Variants in CD2 observed in about 807,000 individuals in gnomAD.
The protein encoded by CD2 is CD2 molecule.
A neutral mutation model predicts 23.2 loss-of-function variants in CD2; 18 were observed. That is an observed-to-expected ratio of 0.77 (90% CI 0.54 to 1.15). CD2 has a LOEUF of 1.15. Ranked by LOEUF, CD2 falls within the 50% of genes most tolerant of loss-of-function variation. The pLI is 0.00. For missense variants in CD2, 424 were observed against 423.1 expected (o/e 1.00, Z -0.02); for synonymous variants, 162 against 151.9 (o/e 1.07, Z -0.49).
rs1652156566 is a variant in CD2, at chr1:116,764,566, C to G, written c.696C>G (p.Phe232Leu). ...LLMVFVALLV[F>L]YITKRKKQRS... is the part of the protein sequence containing the mutation. ...TGGTCTTTGTGGCACTGCTCGTTTT[C>G]TATATCACCAAAAGGAAAAAACAGA... Residue 232 changes from phenylalanine to leucine, a missense_variant, in exon 4 of 5, where the codon TTC becomes TTG. By Grantham distance (22) the Phe-to-Leu change is conservative (BLOSUM62 0). Coordinates refer to ENST00000369478, the MANE Select transcript of CD2 (RefSeq NM_001767.5). 6.2e-7 allele frequency: 1 copy of G among 1,613,934 alleles called. No homozygotes were observed.
At chr1:116,765,159 A>G (rs1230909131) in intron 4 of CD2, among the ~76,000 whole-genome samples, 3 of 152,172 alleles carry the variant, frequency 2.0e-5, no homozygotes, top group Non-Finnish European at 4.4e-5. Flanking sequence ...CTGACAATCT[A>G]TCAGCAATGA....
chr1:116,764,928 G>C (rs1652170798), intron 4 of CD2, among the ~76,000 whole-genome samples: 1 of 152,146 alleles, frequency 6.6e-6, no homozygotes, highest in South Asian at 2.1e-4. Context: ...TAGGCAGAAA[G>C]GTTAGCTCCA....
chr1:116,761,352 C>G (rs185458762), intron 3 of CD2, among the ~76,000 whole-genome samples: 118 of 152,310 alleles, frequency 7.7e-4, no homozygotes, highest in Admixed American at 7.2e-3. Context: ...GCCAGAGAAT[C>G]TTGACAGAGT....
intron 4 of CD2, among the ~76,000 whole-genome samples, chr1:116,765,723 G>A (rs574668834): frequency 6.6e-6 from 1 of 152,290 alleles, no homozygotes; most frequent in Non-Finnish European, 1.5e-5. Context: ...TGTTCTCCAT[G>A]CTCCTCTCCA....
chr1:116,756,110 A>G (rs1651840479), intron 2 of CD2, among the ~76,000 whole-genome samples: 1 of 152,124 alleles, frequency 6.6e-6, no homozygotes, highest in Non-Finnish European at 1.5e-5. Flanking sequence ...GCAATCCCAG[A>G]CACTGTCAGC....
rs772447791 is a variant in CD2 at position 116,768,620 on chromosome 1, C to T, written c.893C>T (p.Pro298Leu). The T allele has an allele frequency of 2.3e-5, 37 of 1,613,946 alleles. No individual in the cohort carries two copies. Among genetic ancestry groups the T allele is most frequent in the African/African-American group, 1.1e-4 (8 of 74,864 alleles). ...HRSQAPSHRP[P>L]PPGHRVQHQP... ...TCCCAGGCACCTAGTCATCGTCCCC[C>T]GCCTCCTGGACACCGTGTTCAGCAC... Residue 298 changes from proline to leucine, a missense_variant, in exon 5 of 5, where the codon CCG (proline) becomes CTG (leucine). Coordinates refer to ENST00000369478, the MANE Select transcript of CD2 (RefSeq NM_001767.5).
chr1:116,755,535 T>G (rs1218175785), intron 2 of CD2, among the ~76,000 whole-genome samples: 4 of 152,224 alleles, frequency 2.6e-5, no homozygotes, highest in Non-Finnish European at 4.4e-5. Context: ...TGTATATCTC[T>G]GCCTGTACTG....
At position 116,768,949 on chromosome 1, in the gene CD2, A is replaced by G. The variant is rs1652310771; in HGVS notation, c.*166A>G. The G allele has an allele frequency of 1.5e-6, 1 of 671,816 alleles. No individual in the cohort carries two copies. Among genetic ancestry groups the G allele is most frequent in the African/African-American group, 1.8e-5 (1 of 54,932 alleles). The allele number at this position is 671,816 out of a possible 1,614,324, so 41.6% of individuals were successfully genotyped here. ...ATCTTCGAACTCAGCCATGTGGTCA[A>G]CATCTGGAGTTTTTGGTCTCCTCAG... On this transcript the variant is annotated 3_prime_UTR_variant, in exon 5 of 5. Coordinates refer to ENST00000369478, the MANE Select transcript of CD2 (RefSeq NM_001767.5).
chr1:116,761,478 G>A (rs798042), intron 3 of CD2, among the ~76,000 whole-genome samples: 70,279 of 152,000 alleles, frequency 0.46, 17,155 homozygotes, highest in African/African-American at 0.63. Flanking sequence ...CATGTGGGCC[G>A]TTGGGCTGCC....
intron 2 of CD2, among the ~76,000 whole-genome samples, chr1:116,757,481 C>T (rs547802299): frequency 2.0e-5 from 3 of 152,044 alleles, no homozygotes; most frequent in South Asian, 2.1e-4. Flanking sequence ...AGTTCTAAGA[C>T]GCTATCTTAG....
chr1:116,754,808 A>G lies in CD2; in HGVS notation c.239A>G (p.Glu80Gly). The change falls in exon 2 of 5, where the codon GAA becomes GGA. Residue 80 changes from glutamate (E) to glycine (G), a missense_variant. Coordinates refer to ENST00000369478, the MANE Select transcript of CD2 (RefSeq NM_001767.5). The part of the protein sequence containing the change: ...QFRKEKETFK[E>G]KDTYKLFKNG... ...AGAAAAGAGAAAGAGACTTTCAAGGAAAAAGATACATATAAGCTATTTAAA... is the reference window on the plus strand; with the variant it reads ...AGAAAAGAGAAAGAGACTTTCAAGGGAAAAGATACATATAAGCTATTTAAA... 1 of 1,612,966 alleles carries G rather than the reference A, an allele frequency of 6.2e-7. No individual in the cohort carries two copies. The highest frequency in any genetic ancestry group is 1.1e-5 in the South Asian group (1 of 90,776).
chr1:116,754,597 A>C (rs754118921), intron 1 of CD2, 34 bp from the exon 2 acceptor site: 4 of 1,609,302 alleles, frequency 2.5e-6, no homozygotes, highest in Non-Finnish European at 3.4e-6. Flanking sequence ...CTTTCCCTGA[A>C]AGTGACTCTC....
At position 116,757,977 on chromosome 1, in the gene CD2, C is replaced by T. The variant is rs571656652; in HGVS notation, c.383-2425C>T. Among the ~76,000 whole-genome samples, 314 of 151,968 alleles carry T rather than the reference C, an allele frequency of 2.1e-3. 1 individual carries two copies. The highest frequency in any genetic ancestry group is 3.7e-3 in the Non-Finnish European group (251 of 67,980). On this transcript the variant is annotated intron_variant, in intron 2 of 4. Transcript: ENST00000369478. ...TAGAGATGTATTTCACCATGTTGGC[C>T]AGGCTACTCTTGAACTCCTGGCCTC...
chr1:116,768,702 C>T lies in CD2; in HGVS notation c.975C>T (p.Gly325=). The T allele has an allele frequency of 6.8e-6, 11 of 1,614,140 alleles. No homozygotes were observed. The highest frequency in any genetic ancestry group is 9.3e-6 in the Non-Finnish European group (11 of 1,180,042). ...PSGTQVHQQK[G]PPLPRPRVQP... ...GCACACAAGTTCACCAGCAGAAAGG[C>T]CCGCCCCTCCCCAGACCTCGAGTTC... The change falls in exon 5 of 5, where the codon GGC becomes GGT. Residue 325 remains glycine (G), a synonymous_variant. Transcript: ENST00000369478.
intron 4 of CD2, among the ~76,000 whole-genome samples, chr1:116,764,987 G>A (rs1652172452): frequency 6.6e-6 from 1 of 152,152 alleles, no homozygotes. Flanking sequence ...GGCCCAAGGT[G>A]AGTTCAGGAC....
At chr1:116,757,858 C>T (rs955424012) in intron 2 of CD2, among the ~76,000 whole-genome samples, 4 of 151,930 alleles carry the variant, frequency 2.6e-5, no homozygotes, top group African/African-American at 4.8e-5. Context: ...CAGCCTCTGC[C>T]TCTTGGGTTC....
intron 4 of CD2, among the ~76,000 whole-genome samples, chr1:116,767,127 A>G (rs1434085121): frequency 6.6e-6 from 1 of 152,190 alleles, no homozygotes; most frequent in Non-Finnish European, 1.5e-5. Context: ...CGAGCCATTT[A>G]GGTATCAAAA....
intron 2 of CD2, 23 bp from the exon 3 acceptor site, chr1:116,760,379 C>G: frequency 1.3e-6 from 2 of 1,594,750 alleles, no homozygotes; most frequent in Non-Finnish European, 1.7e-6. Context: ...CTAAATTGAA[C>G]TGAATCTTTA....
chr1:116,767,384 G>A (rs1652247081), intron 4 of CD2, among the ~76,000 whole-genome samples: 1 of 152,048 alleles, frequency 6.6e-6, no homozygotes, highest in South Asian at 2.1e-4. Flanking sequence ...ACCTGGTCGG[G>A]AGTTCGAGAC....
Sources: gnomAD v4.1 joint callset for allele counts (sites outside exome capture counted in the v4.1 genomes callset) on GRCh38, gnomAD v4.1.1 for gene constraint, MANE v1.5 for transcripts, NCBI Gene and HGNC (gene_info 2026-07-23, HGNC 2026-07-21) for gene names.